Variants in ERC1 observed in about 807,000 individuals in gnomAD.
ERC1 encodes RAB6 interacting protein 2.
Under a neutral mutation model 132.0 loss-of-function variants are expected in ERC1, and 56 were observed. That is an observed-to-expected ratio of 0.42 (90% CI 0.34 to 0.53). ERC1 has a LOEUF of 0.53. Ranked by LOEUF, ERC1 falls within the 20% of genes least tolerant of loss-of-function variation. The pLI is 0.03. For missense variants in ERC1, 1,202 were observed against 1,349.9 expected (o/e 0.89, Z 1.72); for synonymous variants, 478 against 476.1 (o/e 1.00, Z -0.05).
chr12:1,002,523 C>G (rs1962597343), intron 1 of ERC1, among the ~76,000 whole-genome samples: 1 of 151,928 alleles, frequency 6.6e-6, no homozygotes, highest in Admixed American at 6.6e-5. Context: ...GTATGTAATT[C>G]TTTTGTGTAT....
chr12:1,126,985 T>TA (rs1948236551), intron 7 of ERC1, among the ~76,000 whole-genome samples: 1 of 22,414 alleles, frequency 4.5e-5, no homozygotes, highest in African/African-American at 3.2e-4. Context: ...AGATTCTGTC[T>TA]CAAAAAAAAA....
chr12:1,194,329 G>A (rs1174506839), intron 12 of ERC1, among the ~76,000 whole-genome samples: 1 of 152,160 alleles, frequency 6.6e-6, no homozygotes, highest in African/African-American at 2.4e-5. Flanking sequence ...GCTGAGGCAG[G>A]AGAATCGCTT....
At chr12:1,458,614 A>C (rs1053080710) in intron 18 of ERC1, among the ~76,000 whole-genome samples, 4 of 150,512 alleles carry the variant, frequency 2.7e-5, no homozygotes, top group African/African-American at 9.8e-5. Flanking sequence ...GGCTCACCAC[A>C]ACCTCCACCT....
chr12:1,305,450 C>G (rs1002912399), intron 15 of ERC1, among the ~76,000 whole-genome samples: 8 of 152,108 alleles, frequency 5.3e-5, no homozygotes, highest in African/African-American at 1.9e-4. Context: ...CTCCTGAGCC[C>G]CAGTCCTGGG....
In ERC1 at chr12:1,253,980, C is replaced by G. The variant is rs1246073251; in HGVS notation, c.2488-9054C>G. Among the ~76,000 whole-genome samples, 8 of 152,302 alleles carry G rather than the reference C, an allele frequency of 5.3e-5. No homozygotes were observed. The East Asian group carries it at 1.5e-3, about 29-fold the overall frequency. On this transcript the variant is annotated intron_variant, in intron 13 of 18. Coordinates refer to ENST00000360905, the MANE Select transcript of ERC1 (RefSeq NM_178040.4). ...GACCCCTCAAAGTAGTCACACAAAC[C>G]TCCTGCCGTGAACCCTGTACTCTGT...
intron 15 of ERC1, among the ~76,000 whole-genome samples, chr12:1,371,151 T>TA (rs1860029863): frequency 1.3e-5 from 2 of 152,212 alleles, no homozygotes; most frequent in Non-Finnish European, 2.9e-5. Flanking sequence ...TTACTCATCT[T>TA]ACGTAACTTA....
chr12:1,291,838 T>C (rs925178164), intron 15 of ERC1, among the ~76,000 whole-genome samples: 4 of 152,166 alleles, frequency 2.6e-5, no homozygotes, highest in Non-Finnish European at 4.4e-5. Context: ...CAGTGGTGCA[T>C]TGGAAACATT....
intron 13 of ERC1, among the ~76,000 whole-genome samples, chr12:1,238,779 G>A (rs2154304403): frequency 6.6e-6 from 1 of 151,988 alleles, no homozygotes; most frequent in Non-Finnish European, 1.5e-5. Context: ...TCTTCTCTCA[G>A]TTGTTATAAC....
chr12:1,235,731 TAG>T (rs1343281543), intron 12 of ERC1, among the ~76,000 whole-genome samples: 1 of 152,162 alleles, frequency 6.6e-6, no homozygotes, highest in African/African-American at 2.4e-5. Context: ...TGTGCACAGC[TAG>T]CAAGAGTATA....
chr12:1,091,642 T>G (rs926872425), intron 3 of ERC1, among the ~76,000 whole-genome samples: 1 of 152,212 alleles, frequency 6.6e-6, no homozygotes, highest in Non-Finnish European at 1.5e-5. Flanking sequence ...AGTACCTGCC[T>G]TTATGATCCT....
At chr12:1,393,893 G>C (rs2090211599) in intron 16 of ERC1, among the ~76,000 whole-genome samples, 1 of 151,054 alleles carries the variant, frequency 6.6e-6, no homozygotes, top group Non-Finnish European at 1.5e-5. Flanking sequence ...GCGGGCGCCT[G>C]TAGTCCCAGC....
chr12:1,457,455 C>T (rs964007518), intron 18 of ERC1, among the ~76,000 whole-genome samples: 1 of 152,156 alleles, frequency 6.6e-6, no homozygotes, highest in African/African-American at 2.4e-5. Flanking sequence ...AGAAACATCT[C>T]AGCAATATAA....
chr12:1,263,929 A>G (rs1277675953), intron 14 of ERC1, among the ~76,000 whole-genome samples: 1 of 151,904 alleles, frequency 6.6e-6, no homozygotes, highest in Non-Finnish European at 1.5e-5. Context: ...ACCTCAGGTG[A>G]TCCACCTGCC....
At chr12:1,147,745 T>C (rs947506196) in intron 8 of ERC1, among the ~76,000 whole-genome samples, 8 of 152,110 alleles carry the variant, frequency 5.3e-5, no homozygotes, top group African/African-American at 1.9e-4. Context: ...AGGGGAGTGA[T>C]TTAATTATTT....
At chr12:1,326,512 A>C (rs1407003043) in intron 15 of ERC1, among the ~76,000 whole-genome samples, 1 of 152,208 alleles carries the variant, frequency 6.6e-6, no homozygotes, top group Non-Finnish European at 1.5e-5. Flanking sequence ...TTTTCCAGCT[A>C]TACCTTGTCC....
At chr12:1,134,367 TAC>T (rs1206617209) in intron 7 of ERC1, among the ~76,000 whole-genome samples, 1 of 151,478 alleles carries the variant, frequency 6.6e-6, no homozygotes, top group Non-Finnish European at 1.5e-5. Context: ...TTTTTAAAGA[TAC>T]AGTGTCTTGC....
chr12:1,055,932 G>GC (rs1205918583), intron 2 of ERC1, among the ~76,000 whole-genome samples: 1 of 151,988 alleles, frequency 6.6e-6, no homozygotes, highest in Non-Finnish European at 1.5e-5. Flanking sequence ...AATTGCTTGA[G>GC]CCCAGGAATT....
chr12:1,114,220 A>C (rs1186617807), intron 6 of ERC1, among the ~76,000 whole-genome samples: 2 of 151,906 alleles, frequency 1.3e-5, no homozygotes, highest in African/African-American at 2.4e-5. Flanking sequence ...GATGGGTTTC[A>C]CTATGTTGGC....
In ERC1 at chr12:1,013,216, A is replaced by G. The variant is rs141343296; in HGVS notation, c.-156-14532A>G. Among the ~76,000 whole-genome samples, 73 of 152,324 alleles carry G rather than the reference A, an allele frequency of 4.8e-4. 1 individual carries two copies. In the East Asian group the frequency reaches 0.013, roughly 28 times the overall value. The stretch of plus-strand genomic sequence containing the variant: ...AGCACTAGAGTCGTTGGGGAAGGCT[A>G]CACAACCTAGAACTTGACTTGTTTC... On this transcript the variant is annotated intron_variant, in intron 1 of 18. Coordinates refer to ENST00000360905, the MANE Select transcript of ERC1 (RefSeq NM_178040.4).
Sources: allele counts gnomAD v4.1 joint callset (sites outside exome capture counted in the v4.1 genomes callset), GRCh38; gene constraint gnomAD v4.1.1; transcripts MANE v1.5; gene names NCBI Gene and HGNC (gene_info 2026-07-23, HGNC 2026-07-21).